EPB41L2: variants seen among roughly 807,000 people sequenced by gnomAD.
EPB41L2 encodes erythrocyte membrane protein band 4.1 like 2.
A neutral mutation model predicts 113.0 loss-of-function variants in EPB41L2; 43 were observed. That is an observed-to-expected ratio of 0.38 (90% CI 0.30 to 0.49). The LOEUF (loss-of-function observed/expected upper bound fraction) is 0.49, where lower values mean the gene tolerates loss of function less well. Ranked by LOEUF, EPB41L2 falls within the 20% of genes least tolerant of loss-of-function variation. The pLI, the probability that EPB41L2 is intolerant of heterozygous loss-of-function variation, is 0.95. For missense variants in EPB41L2, 1,147 were observed against 1,223.4 expected (o/e 0.94, Z 0.93); for synonymous variants, 442 against 436.7 (o/e 1.01, Z -0.15).
At chr6:131,015,079 C>A (rs772769805) in intron 1 of EPB41L2, among the ~76,000 whole-genome samples, 1 of 152,172 alleles carries the variant, frequency 6.6e-6, no homozygotes, top group Admixed American at 6.5e-5. Context: ...TGTAAACATG[C>A]TTTCATTCCC....
chr6:130,870,278 G>A lies in EPB41L2; in HGVS notation c.2044-152C>T, dbSNP rs750037000. 18 of 1,546,208 alleles carry A rather than the reference G, an allele frequency of 1.2e-5. No homozygotes were observed. The African/African-American group carries it at 2.1e-4, about 18-fold the overall frequency. ...GAAAGGGAAGCGGGGCAAACGTGAG[G>A]GCAATGAGAAACGTGAGGCAATGGT... On this transcript the variant is annotated intron_variant, in intron 14 of 19. Coordinates refer to ENST00000337057, the MANE Select transcript of EPB41L2 (RefSeq NM_001431.4).
intron 18 of EPB41L2, among the ~76,000 whole-genome samples, chr6:130,860,520 A>ATTTTAT (rs149299674): frequency 1.6e-4 from 24 of 152,156 alleles, no homozygotes; most frequent in East Asian, 1.2e-3. Flanking sequence ...TTACTGCCAA[A>ATTTTAT]TTTTATTTTT....
At chr6:130,935,468 A>C (rs1808466465) in intron 3 of EPB41L2, among the ~76,000 whole-genome samples, 1 of 152,168 alleles carries the variant, frequency 6.6e-6, no homozygotes, top group African/African-American at 2.4e-5. Context: ...CATATAATTA[A>C]TCTCATAAGC....
chr6:130,882,789 A>G (rs1583038526), intron 12 of EPB41L2: 1 of 152,958 alleles, frequency 6.5e-6, no homozygotes. Flanking sequence ...AAAGCAAGAT[A>G]TCCATCTTCA....
intron 19 of EPB41L2, among the ~76,000 whole-genome samples, chr6:130,845,957 GA>G (rs1263947756): frequency 1.3e-5 from 2 of 152,196 alleles, no homozygotes; most frequent in African/African-American, 4.8e-5. Context: ...TCTTACTTGA[GA>G]GAATCACTGA....
intron 3 of EPB41L2, among the ~76,000 whole-genome samples, chr6:130,938,651 A>G (rs528516807): frequency 6.6e-6 from 1 of 152,280 alleles, no homozygotes; most frequent in Non-Finnish European, 1.5e-5. Flanking sequence ...CCAAAAATCC[A>G]GCCCTCTAGC....
chr6:130,899,622 A>G, intron 7 of EPB41L2, 44 bp from the exon 8 acceptor site: 1 of 1,548,960 alleles, frequency 6.5e-7, no homozygotes, highest in Non-Finnish European at 8.9e-7. Context: ...ATGGATGCAG[A>G]GCAAATGTAG....
At chr6:130,946,970 A>G (rs1238293817) in intron 3 of EPB41L2, among the ~76,000 whole-genome samples, 4 of 151,676 alleles carry the variant, frequency 2.6e-5, no homozygotes, top group Admixed American at 6.6e-5. Flanking sequence ...AAAATTATCT[A>G]TAGAGACCAC....
chr6:130,861,808 G>C (rs1782160553), intron 18 of EPB41L2, among the ~76,000 whole-genome samples: 1 of 151,072 alleles, frequency 6.6e-6, no homozygotes, highest in Admixed American at 6.6e-5. Flanking sequence ...GGAGGCAGAG[G>C]TTGCAGTGAG....
At chr6:131,000,287 A>G (rs1202285602) in intron 1 of EPB41L2, among the ~76,000 whole-genome samples, 1 of 152,310 alleles carries the variant, frequency 6.6e-6, no homozygotes, top group Non-Finnish European at 1.5e-5. Flanking sequence ...AGGAACACAG[A>G]ATGCCTGGAA....
intron 3 of EPB41L2, among the ~76,000 whole-genome samples, chr6:130,936,313 C>T (rs1808768528): frequency 6.6e-6 from 1 of 152,142 alleles, no homozygotes; most frequent in Non-Finnish European, 1.5e-5. Context: ...ATAAGTTCAC[C>T]TTTGACATTC....
intron 1 of EPB41L2, among the ~76,000 whole-genome samples, chr6:130,976,691 C>T (rs1424321589): frequency 1.3e-5 from 2 of 152,164 alleles, no homozygotes; most frequent in Non-Finnish European, 1.5e-5. Flanking sequence ...AAACTCTTAA[C>T]AAATCCTTCT....
chr6:131,061,876 G>GT, intron 1 of EPB41L2, among the ~76,000 whole-genome samples: 1 of 152,148 alleles, frequency 6.6e-6, no homozygotes, highest in Middle Eastern at 3.4e-3. Context: ...CGCGAAAGTC[G>GT]TTTTTTTAAA....
intron 18 of EPB41L2, among the ~76,000 whole-genome samples, chr6:130,861,985 A>G (rs1296576125): frequency 2.0e-5 from 3 of 152,146 alleles, no homozygotes; most frequent in Non-Finnish European, 4.4e-5. Context: ...ACATGACATC[A>G]TATACAAAAA....
chr6:130,907,341 G>A (rs1447143670), intron 5 of EPB41L2, among the ~76,000 whole-genome samples: 1 of 152,230 alleles, frequency 6.6e-6, no homozygotes, highest in Non-Finnish European at 1.5e-5. Flanking sequence ...TAAGCATAAT[G>A]TATCTGGTGT....
At chr6:130,958,225 G>A (rs1818109005) in intron 1 of EPB41L2, among the ~76,000 whole-genome samples, 1 of 152,156 alleles carries the variant, frequency 6.6e-6, no homozygotes, top group African/African-American at 2.4e-5. Flanking sequence ...GTCGAGGAGG[G>A]TGGACCACTT....
rs919274904 is a variant in EPB41L2 at position 130,839,949 on chromosome 6, C to G, written c.*655G>C. The G allele has an allele frequency of 1.3e-5, 2 of 152,160 alleles. No individual in the cohort carries two copies. The highest frequency in any genetic ancestry group is 6.5e-5 in the Admixed American group (1 of 15,272). The allele number at this position is 152,160 out of a possible 1,614,324, so 9.4% of individuals were successfully genotyped here. Reference sequence around the variant, plus strand: ...TTATTCTCCAGTCCAGAGATTCTGACTCTCTACTAAAAGTAGAAAGTCACA... The same window carrying G: ...TTATTCTCCAGTCCAGAGATTCTGAGTCTCTACTAAAAGTAGAAAGTCACA... On this transcript the variant is annotated 3_prime_UTR_variant, in exon 20 of 20. Coordinates refer to ENST00000337057, the MANE Select transcript of EPB41L2 (RefSeq NM_001431.4).
chr6:131,033,163 T>G (rs1251289933), intron 1 of EPB41L2, among the ~76,000 whole-genome samples: 2 of 151,704 alleles, frequency 1.3e-5, no homozygotes, highest in Admixed American at 6.6e-5. Context: ...CGTGAGCCAC[T>G]GTGCCTGGCC....
chr6:130,915,867 T>C (rs1347167886), intron 4 of EPB41L2, among the ~76,000 whole-genome samples: 2 of 152,212 alleles, frequency 1.3e-5, no homozygotes, highest in African/African-American at 4.8e-5. Flanking sequence ...TGCTCCTCCT[T>C]GCCTTCTGCC....
Sources: gnomAD v4.1 joint callset for allele counts (sites outside exome capture counted in the v4.1 genomes callset) on GRCh38, gnomAD v4.1.1 for gene constraint, MANE v1.5 for transcripts, NCBI Gene and HGNC (gene_info 2026-07-23, HGNC 2026-07-21) for gene names.